GRID2: variants seen among roughly 807,000 people sequenced by gnomAD.
GRID2 encodes glutamate receptor ionotropic, delta-2.
A neutral mutation model predicts 114.8 loss-of-function variants in GRID2; 33 were observed. That is an observed-to-expected ratio of 0.29 (90% confidence interval 0.22 to 0.38). GRID2 has a LOEUF of 0.38. Among genes scored for constraint, GRID2 ranks in the 10% least tolerant of loss-of-function variants. GRID2 has a pLI of 1.00. For missense variants in GRID2, 1,184 were observed against 1,257.7 expected (o/e 0.94, Z 0.89); for synonymous variants, 505 against 449.9 (o/e 1.12, Z -1.55).
In GRID2 at chr4:93,106,034, C is replaced by T. The variant is rs373599135; in HGVS notation, c.530-4714C>T. Among the ~76,000 whole-genome samples, 18 of 152,216 alleles carry T rather than the reference C, an allele frequency of 1.2e-4. No homozygotes were observed. The East Asian group carries it at 3.5e-3, about 29-fold the overall frequency. On this transcript the variant is annotated intron_variant, in intron 3 of 15. Transcript: ENST00000282020. ...CATGGAAAAAACATCTTCCTCCTCC[C>T]CCAGTCTTATGTTTAATAACTCAAT...
At chr4:93,460,853 CT>C (rs143318269) in intron 11 of GRID2, among the ~76,000 whole-genome samples, 6,474 of 152,164 alleles carry the variant, frequency 0.043, 178 homozygotes, top group Middle Eastern at 0.17. Context: ...AGAAATTTAT[CT>C]GTAATGTCCC....
intron 2 of GRID2, among the ~76,000 whole-genome samples, chr4:92,861,909 T>C (rs899099382): frequency 4.6e-5 from 7 of 152,040 alleles, no homozygotes; most frequent in African/African-American, 1.4e-4. Flanking sequence ...TCTTATCACT[T>C]TATATAATTA....
chr4:92,586,086 G>A (rs1337586112), intron 1 of GRID2, among the ~76,000 whole-genome samples: 1 of 151,450 alleles, frequency 6.6e-6, no homozygotes, highest in African/African-American at 2.4e-5. Flanking sequence ...AACTATTCAG[G>A]CTCTTTTATA....
chr4:92,392,819 G>T (rs912345469), intron 1 of GRID2, among the ~76,000 whole-genome samples: 2 of 151,664 alleles, frequency 1.3e-5, no homozygotes, highest in Non-Finnish European at 1.5e-5. Context: ...TTTCTTTATC[G>T]CCTTCCTTAC....
intron 1 of GRID2, among the ~76,000 whole-genome samples, chr4:92,427,030 C>T (rs1732194513): frequency 6.6e-6 from 1 of 152,138 alleles, no homozygotes; most frequent in African/African-American, 2.4e-5. Context: ...ATCTCACCTA[C>T]TAGGAACTCA....
At chr4:92,606,075 A>AAAACTAAAATAAATACCAAAATTTG (rs1729436617) in intron 2 of GRID2, among the ~76,000 whole-genome samples, 1 of 152,080 alleles carries the variant, frequency 6.6e-6, no homozygotes, top group Non-Finnish European at 1.5e-5. Flanking sequence ...TTGAAAATAA[A>AAAACTAAAATAAATACCAAAATTTG]TTTACTCAGT....
At chr4:93,806,372 G>A (rs1040451884) in intron 1 of GRID2, among the ~76,000 whole-genome samples, 5 of 152,158 alleles carry the variant, frequency 3.3e-5, no homozygotes, top group Non-Finnish European at 2.9e-5. Flanking sequence ...ATGTGAGAGC[G>A]ATACTGCCTT....
At chr4:92,955,829 A>C (rs1752365772) in intron 2 of GRID2, among the ~76,000 whole-genome samples, 2 of 152,108 alleles carry the variant, frequency 1.3e-5, no homozygotes, top group African/African-American at 4.8e-5. Context: ...TCAGCTTTCT[A>C]CATATGGCTA....
chr4:93,222,073 T>A (rs2149489451), intron 6 of GRID2, among the ~76,000 whole-genome samples: 1 of 152,254 alleles, frequency 6.6e-6, no homozygotes, highest in African/African-American at 2.4e-5. Flanking sequence ...TCCTTCGTCT[T>A]CTTTTACTTC....
At chr4:92,468,138 G>C (rs1721848912) in intron 1 of GRID2, among the ~76,000 whole-genome samples, 1 of 151,906 alleles carries the variant, frequency 6.6e-6, no homozygotes, top group African/African-American at 2.4e-5. Context: ...TATCTTACCA[G>C]GTTTGGAGAT....
At chr4:93,196,354 C>G (rs941360454) in intron 4 of GRID2, among the ~76,000 whole-genome samples, 6 of 152,154 alleles carry the variant, frequency 3.9e-5, no homozygotes, top group African/African-American at 1.4e-4. Context: ...GGAAGACGGA[C>G]ATGGAAATTC....
intron 2 of GRID2, among the ~76,000 whole-genome samples, chr4:92,911,692 C>T (rs1453452705): frequency 6.6e-6 from 1 of 151,368 alleles, no homozygotes; most frequent in Non-Finnish European, 1.5e-5. Context: ...TTAAATGTAC[C>T]ACCTTAATAC....
At chr4:93,221,083 C>A (rs1366176807) in intron 6 of GRID2, among the ~76,000 whole-genome samples, 1 of 152,156 alleles carries the variant, frequency 6.6e-6, no homozygotes, top group Non-Finnish European at 1.5e-5. Context: ...GTGTGTATCA[C>A]ACAAATCATA....
At chr4:92,816,506 A>G (rs1380084156) in intron 2 of GRID2, among the ~76,000 whole-genome samples, 2 of 152,108 alleles carry the variant, frequency 1.3e-5, no homozygotes, top group African/African-American at 4.8e-5. Flanking sequence ...ATAGCCAGGC[A>G]AAATAAATGT....
intron 1 of GRID2, among the ~76,000 whole-genome samples, chr4:92,450,853 T>C (rs1380654242): frequency 6.8e-6 from 1 of 147,952 alleles, no homozygotes; most frequent in African/African-American, 2.4e-5. Flanking sequence ...TTAATAAATT[T>C]AAATAAATTT....
chr4:92,359,511 T>A (rs556140012), intron 1 of GRID2, among the ~76,000 whole-genome samples: 1 of 152,032 alleles, frequency 6.6e-6, no homozygotes, highest in African/African-American at 2.4e-5. Flanking sequence ...CCCAGCACAA[T>A]GCACAGGAAA....
chr4:93,027,116 G>T lies in GRID2; in HGVS notation c.245-57879G>T, dbSNP rs548878646. On this transcript the variant is annotated intron_variant, in intron 2 of 15. Coordinates refer to ENST00000282020, the MANE Select transcript of GRID2 (RefSeq NM_001510.4). ...TTTACATATAAAATCATTTTCTTCA[G>T]TTGTTTTTGAACTATATGTGTGGAA... Among the ~76,000 whole-genome samples the T allele has an allele frequency of 9.2e-5, 14 of 152,104 alleles. No homozygotes were observed. The South Asian group carries it at 2.9e-3, about 32-fold the overall frequency.
intron 1 of GRID2, among the ~76,000 whole-genome samples, chr4:92,543,643 C>T (rs1255004847): frequency 6.6e-6 from 1 of 152,016 alleles, no homozygotes; most frequent in Non-Finnish European, 1.5e-5. Flanking sequence ...ACCTGGAATG[C>T]CCAATAATTG....
intron 7 of GRID2, among the ~76,000 whole-genome samples, chr4:93,228,391 G>A (rs559387546): frequency 3.3e-5 from 5 of 152,196 alleles, no homozygotes; most frequent in South Asian, 2.1e-4. Context: ...GTTCATGAAG[G>A]CAAAACTCTC....
Sources: allele counts gnomAD v4.1 joint callset (sites outside exome capture counted in the v4.1 genomes callset), GRCh38; gene constraint gnomAD v4.1.1; transcripts MANE v1.5; gene names NCBI Gene and HGNC (gene_info 2026-07-23, HGNC 2026-07-21).